The following DCHS2 variants were observed in gnomAD, a reference collection of about 807,000 sequenced individuals.
The protein encoded by DCHS2 is dachsous cadherin-related 2, also known as protocadherin-23.
Under a neutral mutation model 182.4 loss-of-function variants are expected in DCHS2, and 142 were observed. The observed-to-expected ratio is 0.78, with a 90% CI of 0.68 to 0.89. The LOEUF (loss-of-function observed/expected upper bound fraction) is 0.89, where lower values mean the gene tolerates loss of function less well. Ranked by LOEUF, DCHS2 falls within the 40% of genes least tolerant of loss-of-function variation. The pLI is 0.00. For synonymous variants in DCHS2, 1,740 were observed against 1,663.3 expected (o/e 1.05, Z -1.12); for missense variants, 4,319 against 4,198.6 (o/e 1.03, Z -0.79).
At chr4:154,427,112 T>C (rs1042561982) in intron 1 of DCHS2, among the ~76,000 whole-genome samples, 1 of 152,238 alleles carries the variant, frequency 6.6e-6, no homozygotes, top group Non-Finnish European at 1.5e-5. Flanking sequence ...TATACATGTA[T>C]GGAAACATCA....
chr4:154,270,140 T>G, intron 13 of DCHS2, 127 bp from the exon 14 acceptor site: 1 of 1,211,646 alleles, frequency 8.3e-7, no homozygotes, highest in Non-Finnish European at 1.1e-6. Flanking sequence ...CAACAATAAC[T>G]TATTGTCTTC....
chr4:154,450,705 T>C (rs986135461), intron 1 of DCHS2, among the ~76,000 whole-genome samples: 2 of 152,056 alleles, frequency 1.3e-5, no homozygotes, highest in African/African-American at 4.8e-5. Context: ...TAGTGGCACA[T>C]GCCTGTAATC....
chr4:154,430,550 C>G (rs949119014), intron 1 of DCHS2, among the ~76,000 whole-genome samples: 1 of 152,134 alleles, frequency 6.6e-6, no homozygotes, highest in Non-Finnish European at 1.5e-5. Flanking sequence ...AGAGTTAACT[C>G]CAAAAGGAGT....
intron 1 of DCHS2, among the ~76,000 whole-genome samples, chr4:154,386,187 A>G (rs1056832515): frequency 1.3e-5 from 2 of 152,088 alleles, no homozygotes; most frequent in African/African-American, 4.8e-5. Flanking sequence ...TCTTTCAACA[A>G]CTTCCCATCC....
At chr4:154,416,953 T>C (rs1356819179) in intron 1 of DCHS2, among the ~76,000 whole-genome samples, 3 of 152,098 alleles carry the variant, frequency 2.0e-5, no homozygotes, top group African/African-American at 7.2e-5. Context: ...ACCCCCGGCC[T>C]CTGTCTGTCC....
chr4:154,326,384 T>C (rs1736283602), intron 7 of DCHS2, among the ~76,000 whole-genome samples: 2 of 152,224 alleles, frequency 1.3e-5, no homozygotes, highest in Non-Finnish European at 2.9e-5. Context: ...TTTTCCCAAC[T>C]TGTGACTTGA....
intron 3 of DCHS2, among the ~76,000 whole-genome samples, chr4:154,349,247 T>C (rs1729494117): frequency 6.7e-6 from 1 of 150,010 alleles, no homozygotes; most frequent in South Asian, 2.1e-4. Context: ...ACAGTTACTT[T>C]CCTTGTAAAG....
At chr4:154,310,317 G>C (rs775901778) in intron 10 of DCHS2, among the ~76,000 whole-genome samples, 7 of 152,180 alleles carry the variant, frequency 4.6e-5, no homozygotes, top group Non-Finnish European at 7.3e-5. Context: ...TATTGATACT[G>C]TTTGCTAGAG....
intron 5 of DCHS2, 88 bp downstream of exon 5, chr4:154,332,390 A>T (rs1348841211): frequency 2.4e-6 from 3 of 1,237,108 alleles, no homozygotes; most frequent in Middle Eastern, 2.8e-4. Context: ...ATTTTGTTTA[A>T]TTTTTTATTT....
chr4:154,458,372 A>C (rs1734862217), intron 1 of DCHS2, among the ~76,000 whole-genome samples: 1 of 152,342 alleles, frequency 6.6e-6, no homozygotes, highest in Non-Finnish European at 1.5e-5. Flanking sequence ...ATGCTTCCTA[A>C]GGACAAACTG....
At position 154,491,263 on chromosome 4, in the gene DCHS2, T is replaced by A; in HGVS notation, c.93A>T (p.Thr31=). The part of the protein sequence containing the change: ...KLLLLPGRRD[T]PHGRSGSSGA... ...CGCTGCTGCCTGACCGCCCATGGGG[T>A]GTATCTCTCCTCCCGGGGAGCAGAA... The change falls in exon 1 of 20, where the codon ACA becomes ACT. Residue 31 remains threonine, a synonymous_variant. Transcript: ENST00000357232. 6.4e-7 allele frequency: 1 copy of A among 1,550,870 alleles called. No individual in the cohort carries two copies. Among genetic ancestry groups the A allele is most frequent in the Non-Finnish European group, 8.7e-7 (1 of 1,146,796 alleles).
At chr4:154,399,862 C>T (rs1032239279) in intron 1 of DCHS2, among the ~76,000 whole-genome samples, 5 of 152,034 alleles carry the variant, frequency 3.3e-5, no homozygotes, top group Non-Finnish European at 5.9e-5. Context: ...TGGGAGCAAA[C>T]GAATAGAGAG....
chr4:154,377,466 A>G, intron 1 of DCHS2, 22 bp from the exon 2 acceptor site: 1 of 1,582,898 alleles, frequency 6.3e-7, no homozygotes, highest in Non-Finnish European at 8.6e-7. Flanking sequence ...GAGGGTGATC[A>G]GGAGGAAACA....
intron 1 of DCHS2, among the ~76,000 whole-genome samples, chr4:154,402,758 G>GT (rs1325328085): frequency 6.6e-6 from 1 of 152,210 alleles, no homozygotes; most frequent in Non-Finnish European, 1.5e-5. Context: ...GTTTTGAAAT[G>GT]TGGGGACATG....
intron 1 of DCHS2, among the ~76,000 whole-genome samples, chr4:154,484,350 C>T (rs141294427): frequency 1.6e-3 from 245 of 151,478 alleles, no homozygotes; most frequent in African/African-American, 5.6e-3. Context: ...CTTCCTAAAA[C>T]GTTACTTTTC....
At chr4:154,294,254 ATATTG>A (rs1734818240) in intron 13 of DCHS2, among the ~76,000 whole-genome samples, 1 of 152,222 alleles carries the variant, frequency 6.6e-6, no homozygotes, top group Non-Finnish European at 1.5e-5. Context: ...TTAAAATTGA[ATATTG>A]TATATAATAT....
In DCHS2 at chr4:154,236,479, T is replaced by C; in HGVS notation, c.8173A>G (p.Ile2725Val). Residue 2725 changes from isoleucine (I) to valine (V), a missense_variant, in exon 20 of 20, where the codon ATT becomes GTT. Ile to Val is a conservative substitution (Grantham distance 29). Coordinates refer to ENST00000357232, the MANE Select transcript of DCHS2 (RefSeq NM_001358235.2). ...ATTTTTTCATAATCCAGAGGTTTAA[T>C]CAAATAAAGAACTCCAGTGTTTTCT... Reference protein sequence around the residue: ...LEENTGVLYLIKPLDYEKMTK... With the variant: ...LEENTGVLYLVKPLDYEKMTK... 1 of 1,614,066 alleles carries C rather than the reference T, an allele frequency of 6.2e-7. No individual in the cohort carries two copies.
intron 2 of DCHS2, among the ~76,000 whole-genome samples, chr4:154,375,328 G>T (rs916259512): frequency 1.3e-5 from 2 of 151,972 alleles, no homozygotes; most frequent in African/African-American, 4.8e-5. Context: ...AAACTACTAA[G>T]CTCTATTATA....
In DCHS2 at chr4:154,361,385, A is replaced by C. The variant is rs548050799; in HGVS notation, c.2476+4825T>G. Among the ~76,000 whole-genome samples the C allele has an allele frequency of 1.2e-4, 18 of 152,300 alleles. No homozygotes were observed. In the South Asian group the frequency reaches 3.7e-3, roughly 32 times the overall value. ...GTAAAACTACAGAATAAATAGGACAAACCCCAAAGCTAAAGAACTGCTCTT... is the reference window on the plus strand; with the variant it reads ...GTAAAACTACAGAATAAATAGGACACACCCCAAAGCTAAAGAACTGCTCTT... On this transcript the variant is annotated intron_variant, in intron 3 of 19. Coordinates refer to ENST00000357232, the MANE Select transcript of DCHS2 (RefSeq NM_001358235.2).
Sources: gnomAD v4.1 joint callset for allele counts (sites outside exome capture counted in the v4.1 genomes callset) on GRCh38, gnomAD v4.1.1 for gene constraint, MANE v1.5 for transcripts, NCBI Gene and HGNC (gene_info 2026-07-23, HGNC 2026-07-21) for gene names.